Variants in SGCZ observed in about 807,000 individuals in gnomAD.
SGCZ encodes the protein sarcoglycan zeta.
SGCZ carries 40 observed loss-of-function variants against 41.3 expected under a neutral mutation model. The ratio of observed to expected loss-of-function variants is 0.97; its 90% CI spans 0.75 to 1.26. SGCZ has a LOEUF of 1.26. SGCZ is among the 50% of genes most tolerant of loss of function. SGCZ has a pLI of 0.00. For synonymous variants in SGCZ, 206 were observed against 137.5 expected, an observed-to-expected ratio of 1.50 and a Z score of -3.49; for missense variants, 552 against 369.8, an observed-to-expected ratio of 1.49 and a Z score of -4.04.
At chr8:14,581,092 G>T (rs1484039304) in intron 1 of SGCZ, among the ~76,000 whole-genome samples, 3 of 151,968 alleles carry the variant, frequency 2.0e-5, no homozygotes, top group East Asian at 3.9e-4. Context: ...TCGTACTTTG[G>T]TTACTAATTT....
chr8:14,522,814 A>G (rs1342704221), intron 2 of SGCZ, among the ~76,000 whole-genome samples: 1 of 151,794 alleles, frequency 6.6e-6, no homozygotes, highest in Non-Finnish European at 1.5e-5. Flanking sequence ...ATAGGAGCTG[A>G]AATTATTCAT....
chr8:14,277,016 T>C (rs1800259164), intron 3 of SGCZ, among the ~76,000 whole-genome samples: 1 of 152,196 alleles, frequency 6.6e-6, no homozygotes, highest in Non-Finnish European at 1.5e-5. Flanking sequence ...GAGTGTACTT[T>C]CATTTTCAAT....
At chr8:15,182,726 C>T (rs754987913) in intron 1 of SGCZ, among the ~76,000 whole-genome samples, 2 of 152,078 alleles carry the variant, frequency 1.3e-5, no homozygotes, top group African/African-American at 2.4e-5. Flanking sequence ...ACTAACTGTA[C>T]ACTTAAAGTA....
intron 2 of SGCZ, among the ~76,000 whole-genome samples, chr8:14,358,704 C>T (rs1200406896): frequency 6.6e-6 from 1 of 152,030 alleles, no homozygotes; most frequent in Admixed American, 6.6e-5. Context: ...TTCCACCTCT[C>T]GGGTTCAAGC....
At chr8:14,118,888 T>C (rs1418045912) in intron 5 of SGCZ, among the ~76,000 whole-genome samples, 1 of 152,226 alleles carries the variant, frequency 6.6e-6, no homozygotes, top group Non-Finnish European at 1.5e-5. Flanking sequence ...GTGGTGTTAT[T>C]TCCGAAGTTT....
At chr8:14,649,013 CTA>C (rs1239150350) in intron 1 of SGCZ, among the ~76,000 whole-genome samples, 1 of 152,100 alleles carries the variant, frequency 6.6e-6, no homozygotes, top group Non-Finnish European at 1.5e-5. Context: ...GTCATACCAA[CTA>C]TAGTCTAGCT....
rs370984467 is a variant in SGCZ at position 14,731,020 on chromosome 8, C to G, written c.40-176094G>C. 1.6e-3 allele frequency among the ~76,000 whole-genome samples: 249 copies of G among 151,842 alleles called. 1 individual carries two copies. The highest frequency in any genetic ancestry group is 5.7e-3 in the African/African-American group (234 of 41,272). On this transcript the variant is annotated intron_variant, in intron 1 of 7. Transcript: ENST00000382080. ...GAACCAGAAATACCATTTGACCCAGCAACCCCATTACTAGGTATATACCCA... is the reference window on the plus strand; with the variant it reads ...GAACCAGAAATACCATTTGACCCAGGAACCCCATTACTAGGTATATACCCA...
At chr8:14,545,097 CTT>C (rs1331482578) in intron 2 of SGCZ, among the ~76,000 whole-genome samples, 2 of 152,094 alleles carry the variant, frequency 1.3e-5, no homozygotes, top group Non-Finnish European at 2.9e-5. Flanking sequence ...TACTGTCTCT[CTT>C]TATTTCTCAG....
intron 1 of SGCZ, among the ~76,000 whole-genome samples, chr8:14,707,025 C>A (rs1423058547): frequency 7.0e-6 from 1 of 142,428 alleles, no homozygotes; most frequent in South Asian, 2.3e-4. Flanking sequence ...TATTTAAAAT[C>A]TTTTTTTTAA....
intron 2 of SGCZ, among the ~76,000 whole-genome samples, chr8:14,416,277 A>C (rs1269327635): frequency 6.6e-6 from 1 of 151,996 alleles, no homozygotes; most frequent in Non-Finnish European, 1.5e-5. Flanking sequence ...ACTGAATTAC[A>C]GATGAATGTA....
At chr8:14,859,288 A>C (rs1184771983) in intron 1 of SGCZ, among the ~76,000 whole-genome samples, 1 of 152,274 alleles carries the variant, frequency 6.6e-6, no homozygotes, top group East Asian at 1.9e-4. Context: ...GTATAGCAGT[A>C]AAGACTATAG....
chr8:14,199,030 G>C (rs1364802993), intron 4 of SGCZ, among the ~76,000 whole-genome samples: 2 of 152,264 alleles, frequency 1.3e-5, no homozygotes, highest in East Asian at 3.9e-4. Flanking sequence ...TCAAATCTGG[G>C]CACCTTAAGA....
At chr8:14,124,332 C>T (rs1297008854) in intron 5 of SGCZ, among the ~76,000 whole-genome samples, 2 of 152,018 alleles carry the variant, frequency 1.3e-5, no homozygotes, top group African/African-American at 4.8e-5. Flanking sequence ...TGACAGATTG[C>T]CTTGGTTATT....
At chr8:15,052,737 T>C (rs894890302) in intron 1 of SGCZ, among the ~76,000 whole-genome samples, 3 of 152,144 alleles carry the variant, frequency 2.0e-5, no homozygotes, top group Non-Finnish European at 2.9e-5. Context: ...AATTTCATCC[T>C]TAAACATTCT....
intron 3 of SGCZ, among the ~76,000 whole-genome samples, chr8:14,318,254 G>A (rs1395976802): frequency 1.3e-5 from 2 of 151,580 alleles, no homozygotes; most frequent in Admixed American, 1.3e-4. Flanking sequence ...AGAAGGGCAA[G>A]AAAAGGAAGA....
intron 2 of SGCZ, among the ~76,000 whole-genome samples, chr8:14,424,701 T>G (rs181504111): frequency 1.8e-4 from 28 of 152,348 alleles, no homozygotes; most frequent in African/African-American, 6.7e-4. Context: ...TTAATGAATA[T>G]CTGAATCATG....
rs546286947 is a variant in SGCZ at position 14,778,982 on chromosome 8, G to T, written c.40-224056C>A. Among the ~76,000 whole-genome samples, 5 of 152,288 alleles carry T rather than the reference G, an allele frequency of 3.3e-5. No individual in the cohort carries two copies. The South Asian group carries it at 1.0e-3, about 32-fold the overall frequency. Reference sequence around the variant, plus strand: ...CACATTCCTAGACATATGTGCAAGAGTGATTCTTACATGCATATACAAGGA... The same window carrying T: ...CACATTCCTAGACATATGTGCAAGATTGATTCTTACATGCATATACAAGGA... On this transcript the variant is annotated intron_variant, in intron 1 of 7. Coordinates refer to ENST00000382080, the MANE Select transcript of SGCZ (RefSeq NM_139167.4).
chr8:14,688,625 G>C (rs552152063), intron 1 of SGCZ, among the ~76,000 whole-genome samples: 3 of 152,210 alleles, frequency 2.0e-5, no homozygotes, highest in East Asian at 3.9e-4. Context: ...AAATCAGGTA[G>C]CGTGACGCCT....
intron 1 of SGCZ, among the ~76,000 whole-genome samples, chr8:14,734,237 A>G (rs568907798): frequency 6.6e-6 from 1 of 152,328 alleles, no homozygotes; most frequent in African/African-American, 2.4e-5. Flanking sequence ...TGTTATCAAG[A>G]TTAAATTCTA....
Sources: gnomAD v4.1 joint callset for allele counts (sites outside exome capture counted in the v4.1 genomes callset) on GRCh38, gnomAD v4.1.1 for gene constraint, MANE v1.5 for transcripts, NCBI Gene and HGNC (gene_info 2026-07-23, HGNC 2026-07-21) for gene names.